Variants in ASXL2 observed in about 807,000 individuals in gnomAD.
The protein encoded by ASXL2 is putative Polycomb group protein ASXL2.
Under a neutral mutation model 122.0 loss-of-function variants are expected in ASXL2, and 23 were observed. That is an observed-to-expected ratio of 0.19 (90% CI 0.14 to 0.27). The LOEUF is 0.27. Ranked by LOEUF, ASXL2 falls within the 10% of genes least tolerant of loss-of-function variation. ASXL2 has a pLI of 1.00. For synonymous variants in ASXL2, 650 were observed against 637.0 expected (o/e 1.02, Z -0.31); for missense variants, 1,518 against 1,713.8 (o/e 0.89, Z 2.02).
intron 8 of ASXL2, among the ~76,000 whole-genome samples, chr2:25,765,422 C>T (rs2088328963): frequency 6.6e-6 from 1 of 151,832 alleles, no homozygotes; most frequent in Admixed American, 6.6e-5. Flanking sequence ...GGAGGCAGAG[C>T]TTGCAGTGAG....
chr2:25,792,535 T>A (rs947741377), intron 5 of ASXL2, among the ~76,000 whole-genome samples: 3 of 151,664 alleles, frequency 2.0e-5, no homozygotes, highest in Non-Finnish European at 2.9e-5. Context: ...TTACTATTAT[T>A]TGATTAAAAA....
In ASXL2 at chr2:25,743,350, G is replaced by A. The variant is rs372572337; in HGVS notation, c.2987C>T (p.Thr996Ile). ...EERGMGALIA[T>I]NTTENSTREE... ...TCTGGTGCTATTTTCTGTTGTGTTG[G>A]TAGCTATGAGCGCTCCCATCCCCCT... The change falls in exon 13 of 13, where the codon ACC becomes ATC. Residue 996 changes from threonine to isoleucine, a missense_variant. This residue lies in a region of ASXL2 where 831 missense variants were observed against 833.1 expected (regional missense o/e 1.00). Coordinates refer to ENST00000435504, the MANE Select transcript of ASXL2 (RefSeq NM_018263.6). 6.2e-7 allele frequency: 1 copy of A among 1,613,870 alleles called. No individual in the cohort carries two copies. Among genetic ancestry groups the A allele is most frequent in the African/African-American group, 1.3e-5 (1 of 75,012 alleles).
chr2:25,802,080 T>C (rs538515812), intron 4 of ASXL2, among the ~76,000 whole-genome samples: 4 of 152,338 alleles, frequency 2.6e-5, no homozygotes, highest in African/African-American at 9.6e-5. Context: ...AAGTCCACTC[T>C]GAATCTTTCC....
At chr2:25,822,786 A>C (rs2089328089) in intron 3 of ASXL2, 1 of 574,486 alleles carries the variant, frequency 1.7e-6, no homozygotes. Context: ...CAGTAATTGG[A>C]AACACTGGGA....
intron 8 of ASXL2, among the ~76,000 whole-genome samples, chr2:25,766,901 C>T (rs999955477): frequency 6.6e-6 from 1 of 152,076 alleles, no homozygotes; most frequent in Admixed American, 6.6e-5. Flanking sequence ...AACAAAATTC[C>T]CCCCTTCTCT....
chr2:25,758,680 GTTTTT>G (rs369670596), intron 9 of ASXL2, among the ~76,000 whole-genome samples: 2 of 133,880 alleles, frequency 1.5e-5, no homozygotes, highest in African/African-American at 5.3e-5. Flanking sequence ...TGCTACTTTT[GTTTTT>G]TTTTTTTTTT....
intron 5 of ASXL2, among the ~76,000 whole-genome samples, chr2:25,791,145 A>G (rs2088826456): frequency 6.6e-6 from 1 of 151,920 alleles, no homozygotes; most frequent in Admixed American, 6.6e-5. Context: ...AATTTGGAAG[A>G]GTCATCAGTG....
At position 25,840,129 on chromosome 2, in the gene ASXL2, T is replaced by C. The variant is rs115690636; in HGVS notation, c.141-4589A>G. 2.4e-3 allele frequency among the ~76,000 whole-genome samples: 365 copies of C among 152,310 alleles called. 2 individuals are homozygous for C. Among genetic ancestry groups the C allele is most frequent in the African/African-American group, 8.4e-3 (348 of 41,566 alleles). ...TGAGGGGAAAAATTTAAGGACCTTT[T>C]TCTTATTTTCTAAAATGCTGCTATG... On this transcript the variant is annotated intron_variant, in intron 2 of 12. Transcript: ENST00000435504.
At chr2:25,786,187 A>T (rs2149164402) in intron 5 of ASXL2, among the ~76,000 whole-genome samples, 1 of 151,940 alleles carries the variant, frequency 6.6e-6, no homozygotes, top group Middle Eastern at 3.4e-3. Context: ...AAATAAAAGG[A>T]AACTAACTTC....
intron 3 of ASXL2, among the ~76,000 whole-genome samples, chr2:25,816,216 C>T (rs1039874558): frequency 6.7e-5 from 10 of 148,336 alleles, no homozygotes; most frequent in Admixed American, 2.7e-4. Context: ...CCAGCCTGTG[C>T]GACAAAGCGA....
chr2:25,816,570 A>G (rs1468249796), intron 3 of ASXL2, among the ~76,000 whole-genome samples: 1 of 152,242 alleles, frequency 6.6e-6, no homozygotes, highest in African/African-American at 2.4e-5. Context: ...TCCACAGCCT[A>G]CAACAAAGTC....
chr2:25,759,440 TA>T, intron 9 of ASXL2, 41 bp downstream of exon 9: 1 of 1,587,478 alleles, frequency 6.3e-7, no homozygotes, highest in Non-Finnish European at 8.6e-7. Flanking sequence ...CAAGTATACA[TA>T]AACAGCTATT....
At position 25,744,935 on chromosome 2, in the gene ASXL2, C is replaced by CCA. The variant is rs10579555; in HGVS notation, c.1861-461_1861-460dup. Among the ~76,000 whole-genome samples, 23,587 of 137,970 alleles carry CCA rather than the reference C, an allele frequency of 0.17. 1,918 individuals carry two copies. The highest frequency in any genetic ancestry group is 0.21 in the Middle Eastern group (58 of 278). The allele number at this position is 137,970 out of a possible 152,430, so 90.5% of individuals were successfully genotyped here. A position where few individuals can be genotyped will look rare whatever the true frequency, so the allele number is the denominator to read the frequency against. On this transcript the variant is annotated intron_variant, in intron 12 of 12. Coordinates refer to ENST00000435504, the MANE Select transcript of ASXL2 (RefSeq NM_018263.6). The surrounding 1 kb of genome is among the most constrained non-coding windows in gnomAD (Gnocchi z 4.7). ...GGGAAAATACTTGCTCTTCTCTGTTCCACACACACACACACACACACACAC... is the reference window on the plus strand; with the variant it reads ...GGGAAAATACTTGCTCTTCTCTGTTCCACACACACACACACACACACACACAC...
chr2:25,869,383 AC>A (rs1176694261), intron 1 of ASXL2, among the ~76,000 whole-genome samples: 1 of 151,920 alleles, frequency 6.6e-6, no homozygotes, highest in East Asian at 1.9e-4. Flanking sequence ...TTAAAAAGGT[AC>A]AAAAAAAAAA....
At chr2:25,868,902 C>T (rs2089931809) in intron 1 of ASXL2, among the ~76,000 whole-genome samples, 1 of 152,050 alleles carries the variant, frequency 6.6e-6, no homozygotes, top group African/African-American at 2.4e-5. Flanking sequence ...CAGTGGCTCA[C>T]GTCTGTAATC....
At chr2:25,776,689 T>C (rs1004607969) in intron 5 of ASXL2, among the ~76,000 whole-genome samples, 3 of 152,224 alleles carry the variant, frequency 2.0e-5, no homozygotes, top group Non-Finnish European at 4.4e-5. Flanking sequence ...ACTTGGCCAA[T>C]GTTTTTAAAG....
chr2:25,772,078 A>AT (rs1268395223), intron 5 of ASXL2, among the ~76,000 whole-genome samples: 18 of 152,364 alleles, frequency 1.2e-4, no homozygotes, highest in African/African-American at 4.3e-4. Context: ...TTGAATTTGC[A>AT]TAAGATGTAA....
At chr2:25,826,971 C>A (rs1002712449) in intron 3 of ASXL2, among the ~76,000 whole-genome samples, 13 of 150,514 alleles carry the variant, frequency 8.6e-5, no homozygotes. Flanking sequence ...AACCACATGT[C>A]TGCATCACCA....
chr2:25,835,728 A>G (rs1394619843), intron 2 of ASXL2, among the ~76,000 whole-genome samples, 188 bp from the exon 3 acceptor site: 4 of 152,228 alleles, frequency 2.6e-5, no homozygotes, highest in Non-Finnish European at 4.4e-5. Flanking sequence ...CAAAAATATC[A>G]TATCAAAATG....
Sources: allele counts gnomAD v4.1 joint callset (sites outside exome capture counted in the v4.1 genomes callset), GRCh38; gene constraint gnomAD v4.1.1; regional missense constraint gnomAD v4.1.1; non-coding constraint Gnocchi (gnomAD v3.1); transcripts MANE v1.5; gene names NCBI Gene and HGNC (gene_info 2026-07-23, HGNC 2026-07-21).